The following ZFAND3 variants were observed in gnomAD, a reference collection of about 807,000 sequenced individuals.
The protein encoded by ZFAND3 is zinc finger AN1-type containing 3, also known as AN1-type zinc finger protein 3.
In ZFAND3, 10 loss-of-function variants were observed where a neutral mutation model predicts 29.6. The ratio of observed to expected loss-of-function variants is 0.34; its 90% confidence interval spans 0.21 to 0.57. The LOEUF (loss-of-function observed/expected upper bound fraction) is 0.57. Among genes scored for constraint, ZFAND3 ranks in the 20% least tolerant of loss-of-function variants. The pLI is 0.86. For missense variants in ZFAND3, 230 were observed against 304.5 expected (o/e 0.76, Z 1.82); for synonymous variants, 128 against 112.6 (o/e 1.14, Z -0.87).
chr6:37,957,937 A>G lies in ZFAND3; in HGVS notation c.112+27938A>G, dbSNP rs891693714. 5.3e-5 allele frequency among the ~76,000 whole-genome samples: 8 copies of G among 152,232 alleles called. No homozygotes were observed. The East Asian group carries it at 1.5e-3, about 29-fold the overall frequency. Reference sequence around the variant, plus strand: ...GTTATGCTCTATGATTTGTTTGACTATATTTAATCCAAAAATCGTGTACAC... The same window carrying G: ...GTTATGCTCTATGATTTGTTTGACTGTATTTAATCCAAAAATCGTGTACAC... On this transcript the variant is annotated intron_variant, in intron 2 of 5. Transcript: ENST00000287218.
chr6:38,005,328 A>G (rs1483343436), intron 2 of ZFAND3, among the ~76,000 whole-genome samples: 1 of 152,220 alleles, frequency 6.6e-6, no homozygotes, highest in African/African-American at 2.4e-5. Context: ...TATCTTTACC[A>G]AAGGATGGCA....
At chr6:37,822,982 A>G (rs1328851723) in intron 1 of ZFAND3, among the ~76,000 whole-genome samples, 1 of 152,132 alleles carries the variant, frequency 6.6e-6, no homozygotes, top group Non-Finnish European at 1.5e-5. Context: ...ATAGCATTGT[A>G]ATGCTGAGGA....
chr6:38,011,800 A>G (rs1474470097), intron 2 of ZFAND3, among the ~76,000 whole-genome samples: 1 of 152,188 alleles, frequency 6.6e-6, no homozygotes. Flanking sequence ...AAATTATTAT[A>G]TCATTTATGA....
At chr6:37,956,134 C>T (rs745510393) in intron 2 of ZFAND3, among the ~76,000 whole-genome samples, 1 of 152,094 alleles carries the variant, frequency 6.6e-6, no homozygotes, top group Non-Finnish European at 1.5e-5. Context: ...AGATGAGGTC[C>T]TTGCACATAG....
intron 2 of ZFAND3, among the ~76,000 whole-genome samples, chr6:37,944,668 T>G (rs925821058): frequency 7.2e-5 from 11 of 152,192 alleles, no homozygotes; most frequent in African/African-American, 2.7e-4. Context: ...TCATATAACT[T>G]GGGTAGCAAT....
intron 5 of ZFAND3, among the ~76,000 whole-genome samples, chr6:38,149,898 G>A (rs1273125621): frequency 6.6e-6 from 1 of 152,176 alleles, no homozygotes; most frequent in Non-Finnish European, 1.5e-5. Context: ...AGAAAGGGAA[G>A]GGGCAGCAGG....
At chr6:38,074,658 A>T (rs535197755) in intron 3 of ZFAND3, among the ~76,000 whole-genome samples, 1 of 152,362 alleles carries the variant, frequency 6.6e-6, no homozygotes, top group East Asian at 1.9e-4. Flanking sequence ...CCTAGCTGAG[A>T]TCGCTGATGA....
chr6:37,844,226 G>T (rs1259627082), intron 1 of ZFAND3, among the ~76,000 whole-genome samples: 1 of 149,772 alleles, frequency 6.7e-6, no homozygotes, highest in African/African-American at 2.5e-5. Flanking sequence ...ACCTGGCCAA[G>T]ATTGATTGAT....
chr6:37,842,462 A>G (rs1417503045), intron 1 of ZFAND3, among the ~76,000 whole-genome samples: 5 of 152,086 alleles, frequency 3.3e-5, no homozygotes, highest in Admixed American at 6.5e-5. Flanking sequence ...TGTTTTTGAT[A>G]TTTATCAGTG....
At chr6:38,017,595 G>A (rs766043181) in intron 2 of ZFAND3, among the ~76,000 whole-genome samples, 26 of 152,012 alleles carry the variant, frequency 1.7e-4, no homozygotes, top group Non-Finnish European at 3.5e-4. Context: ...AAGCGGTAAA[G>A]GGAATATACA....
intron 5 of ZFAND3, among the ~76,000 whole-genome samples, chr6:38,124,462 A>G (rs1003880633): frequency 6.6e-6 from 1 of 152,194 alleles, no homozygotes; most frequent in African/African-American, 2.4e-5. Flanking sequence ...GGCGGGCTGC[A>G]GGTCCTGAGC....
At chr6:37,927,799 T>TA (rs1002632735) in intron 1 of ZFAND3, among the ~76,000 whole-genome samples, 7 of 152,232 alleles carry the variant, frequency 4.6e-5, no homozygotes, top group African/African-American at 1.7e-4. Context: ...TCTGGACTGG[T>TA]ATATGCCCCT....
chr6:37,828,991 A>T (rs954506538), intron 1 of ZFAND3, among the ~76,000 whole-genome samples: 1 of 152,168 alleles, frequency 6.6e-6, no homozygotes, highest in South Asian at 2.1e-4. Flanking sequence ...GCTGAAATCT[A>T]AAAAAACCAG....
At chr6:37,886,211 C>A (rs1764986376) in intron 1 of ZFAND3, among the ~76,000 whole-genome samples, 1 of 117,418 alleles carries the variant, frequency 8.5e-6, no homozygotes, top group African/African-American at 3.4e-5. Context: ...GCACTCCAGC[C>A]TAGGCTACAG....
intron 1 of ZFAND3, among the ~76,000 whole-genome samples, chr6:37,916,510 A>AG (rs70981507): frequency 6.6e-6 from 1 of 151,586 alleles, no homozygotes; most frequent in African/African-American, 2.4e-5. Context: ...ATAAAAAAAA[A>AG]TTAGCTGGGC....
chr6:38,099,710 CTA>C (rs1372869508), intron 4 of ZFAND3, among the ~76,000 whole-genome samples: 2 of 152,282 alleles, frequency 1.3e-5, no homozygotes, highest in East Asian at 3.9e-4. Flanking sequence ...AAGAAAAAGA[CTA>C]TAGCAGACAA....
chr6:38,124,234 C>T (rs1765587315), intron 5 of ZFAND3, among the ~76,000 whole-genome samples: 1 of 152,258 alleles, frequency 6.6e-6, no homozygotes, highest in Non-Finnish European at 1.5e-5. Flanking sequence ...TCTCCAAGTC[C>T]CCACTAGACT....
chr6:38,041,685 CTCCTT>C (rs1763774230), intron 2 of ZFAND3, among the ~76,000 whole-genome samples: 1 of 20,788 alleles, frequency 4.8e-5, no homozygotes, highest in African/African-American at 2.0e-4. Flanking sequence ...TCTTCTTCTT[CTCCTT>C]CTCCTTCTCC....
At chr6:37,932,940 A>T (rs1294089479) in intron 2 of ZFAND3, among the ~76,000 whole-genome samples, 2 of 152,248 alleles carry the variant, frequency 1.3e-5, no homozygotes, top group African/African-American at 4.8e-5. Flanking sequence ...ATGACTAGTT[A>T]ATATCCTGTC....
Sources: allele counts gnomAD v4.1 joint callset (sites outside exome capture counted in the v4.1 genomes callset), GRCh38; gene constraint gnomAD v4.1.1; transcripts MANE v1.5; gene names NCBI Gene and HGNC (gene_info 2026-07-23, HGNC 2026-07-21).